Variants in SMOC2 observed in about 807,000 individuals in gnomAD.
SMOC2 encodes SPARC related modular calcium binding 2, also known as SPARC-related modular calcium-binding protein 2.
SMOC2 carries 39 observed loss-of-function variants against 61.4 expected under a neutral mutation model. The observed-to-expected ratio is 0.64, with a 90% CI of 0.49 to 0.83. The LOEUF (loss-of-function observed/expected upper bound fraction) is 0.83, where lower values mean the gene tolerates loss of function less well. SMOC2 is among the 40% of genes least tolerant of loss of function. The pLI is 0.00. For synonymous variants in SMOC2, 247 were observed against 239.9 expected, an observed-to-expected ratio of 1.03 and a Z score of -0.27; for missense variants, 556 against 592.9, an observed-to-expected ratio of 0.94 and a Z score of 0.65.
rs7745679 is a variant in SMOC2, at chr6:168,496,609, A to C, written c.85-13306A>C. Among the ~76,000 whole-genome samples, 1,293 of 152,004 alleles carry C rather than the reference A, an allele frequency of 8.5e-3. 13 individuals are homozygous for C. The highest frequency in any genetic ancestry group is 0.029 in the African/African-American group (1,209 of 41,472). ...CTGTCCCGAGAGGTCCTTTCTTCTG[A>C]GAGGTTTCTTCCTTGGCCGGCACCT... is the stretch of plus-strand genomic sequence containing the variant. On this transcript the variant is annotated intron_variant, in intron 1 of 12. Transcript: ENST00000356284.
chr6:168,616,191 C>T (rs11964000), intron 9 of SMOC2, among the ~76,000 whole-genome samples: 39,175 of 152,178 alleles, frequency 0.26, 5,162 homozygotes, highest in Non-Finnish European at 0.27. Flanking sequence ...ACTGAATTTA[C>T]AGACACGAGT....
chr6:168,585,132 G>GT (rs944064188), intron 7 of SMOC2, among the ~76,000 whole-genome samples: 4 of 152,046 alleles, frequency 2.6e-5, no homozygotes, highest in African/African-American at 9.7e-5. Flanking sequence ...GAATTTTTGT[G>GT]TTTTTTTGCA....
chr6:168,519,187 A>C lies in SMOC2; in HGVS notation c.257-7159A>C, dbSNP rs932279756. On this transcript the variant is annotated intron_variant, in intron 2 of 12. Coordinates refer to ENST00000356284, the MANE Select transcript of SMOC2 (RefSeq NM_001166412.2). ...TGCGTGCATGTGTGAGTATGCGTGC[A>C]TGTGTATGTGTGTGTATGCATGCGT... 2.1e-4 allele frequency among the ~76,000 whole-genome samples: 29 copies of C among 140,932 alleles called. No individual in the cohort carries two copies. The East Asian group carries it at 5.6e-3, about 27-fold the overall frequency. The allele number at this position is 140,932 out of a possible 152,430, so 92.5% of individuals were successfully genotyped here. A position where few individuals can be genotyped will look rare whatever the true frequency, so the allele number is the denominator to read the frequency against.
At chr6:168,489,889 T>C (rs1321022547) in intron 1 of SMOC2, among the ~76,000 whole-genome samples, 1 of 152,136 alleles carries the variant, frequency 6.6e-6, no homozygotes, top group Non-Finnish European at 1.5e-5. Flanking sequence ...GAGTGAAATA[T>C]ATCGAATCGT....
chr6:168,459,552 G>A (rs1282156799), intron 1 of SMOC2, among the ~76,000 whole-genome samples: 3 of 147,828 alleles, frequency 2.0e-5, no homozygotes, highest in South Asian at 4.3e-4. Context: ...GGGTGGGTGA[G>A]CCCTGGGGTG....
chr6:168,656,747 C>T (rs542042915), intron 11 of SMOC2, among the ~76,000 whole-genome samples: 114 of 152,182 alleles, frequency 7.5e-4, no homozygotes, highest in African/African-American at 2.6e-3. Flanking sequence ...TGTGTCATGG[C>T]GACGCACTTC....
intron 7 of SMOC2, 52 bp from the exon 8 acceptor site, chr6:168,598,766 T>G (rs1785393346): frequency 3.8e-6 from 6 of 1,592,678 alleles, no homozygotes; most frequent in Middle Eastern, 3.4e-4. Context: ...GCTCTGCATG[T>G]GGGACGACGT....
Position 168,560,495 on chromosome 6 carries a change from C to G in SMOC2, c.637+11292C>G, listed in dbSNP as rs567360559. 8.7e-5 allele frequency among the ~76,000 whole-genome samples: 13 copies of G among 149,640 alleles called. 1 individual carries two copies. Among genetic ancestry groups the G allele is most frequent in the Admixed American group, 4.0e-4 (6 of 15,046 alleles). Reference sequence around the variant, plus strand: ...GCGTCCTCTGTGCCCACCTTTCTGGCCCTGAGATGTGAGGCTCTCACTGCG... The same window carrying G: ...GCGTCCTCTGTGCCCACCTTTCTGGGCCTGAGATGTGAGGCTCTCACTGCG... On this transcript the variant is annotated intron_variant, in intron 7 of 12. Coordinates refer to ENST00000356284, the MANE Select transcript of SMOC2 (RefSeq NM_001166412.2).
chr6:168,571,314 A>T (rs1272270685), intron 7 of SMOC2, among the ~76,000 whole-genome samples: 1 of 152,204 alleles, frequency 6.6e-6, no homozygotes, highest in East Asian at 1.9e-4. Flanking sequence ...TGGGTGTGTG[A>T]ATACTGTATT....
intron 7 of SMOC2, among the ~76,000 whole-genome samples, chr6:168,555,954 G>C (rs1163451029): frequency 6.6e-6 from 1 of 152,204 alleles, no homozygotes; most frequent in South Asian, 2.1e-4. Context: ...CACCGCTGGG[G>C]GCACTGCGTG....
At chr6:168,500,286 C>CAAAA (rs72258550) in intron 1 of SMOC2, among the ~76,000 whole-genome samples, 3 of 99,308 alleles carry the variant, frequency 3.0e-5, no homozygotes, top group Non-Finnish European at 4.1e-5. Context: ...AACTCTGTCT[C>CAAAA]AAAAAAAAAA....
chr6:168,657,198 G>A (rs1787345572), intron 11 of SMOC2, among the ~76,000 whole-genome samples: 1 of 152,226 alleles, frequency 6.6e-6, no homozygotes, highest in African/African-American at 2.4e-5. Flanking sequence ...CATGGCTCAA[G>A]ACCTCATTTC....
intron 1 of SMOC2, among the ~76,000 whole-genome samples, chr6:168,464,653 AATGGATAACTCCAAACATATC>A (rs1781788769): frequency 6.6e-6 from 1 of 152,324 alleles, no homozygotes; most frequent in East Asian, 1.9e-4. Context: ...CTAAGCCACA[AATGGATAACTCCAAACATATC>A]ATGTGCCACA....
chr6:168,664,012 T>C, intron 11 of SMOC2, 62 bp from the exon 12 acceptor site: 1 of 1,411,490 alleles, frequency 7.1e-7, no homozygotes. Flanking sequence ...GAAATTGTGT[T>C]GAACCTTTCA....
intron 9 of SMOC2, among the ~76,000 whole-genome samples, chr6:168,644,717 G>A (rs376332826): frequency 2.9e-5 from 4 of 138,608 alleles, no homozygotes; most frequent in East Asian, 4.3e-4. Context: ...TGGTACGATC[G>A]CAGCTCACTG....
At chr6:168,641,025 T>A (rs1227776745) in intron 9 of SMOC2, among the ~76,000 whole-genome samples, 1 of 151,616 alleles carries the variant, frequency 6.6e-6, no homozygotes, top group African/African-American at 2.4e-5. Context: ...CCTTAAGAAT[T>A]TCATTGTCCG....
At chr6:168,473,255 A>G (rs949327263) in intron 1 of SMOC2, among the ~76,000 whole-genome samples, 3 of 152,112 alleles carry the variant, frequency 2.0e-5, no homozygotes, top group Non-Finnish European at 4.4e-5. Context: ...GGATCTCCCT[A>G]CATGTTTATA....
At chr6:168,652,891 C>T in intron 10 of SMOC2, 63 bp from the exon 11 acceptor site, 1 of 1,523,638 alleles carries the variant, frequency 6.6e-7, no homozygotes, top group Non-Finnish European at 8.9e-7. Flanking sequence ...GAGGGAAGGA[C>T]AGTGGCCAGG....
intron 9 of SMOC2, among the ~76,000 whole-genome samples, chr6:168,632,789 C>T (rs967692591): frequency 2.6e-5 from 4 of 152,210 alleles, no homozygotes; most frequent in South Asian, 2.1e-4. Flanking sequence ...TTCTGTGGCT[C>T]GTCCTCAGAA....
Sources: allele counts gnomAD v4.1 joint callset (sites outside exome capture counted in the v4.1 genomes callset), GRCh38; gene constraint gnomAD v4.1.1; transcripts MANE v1.5; gene names NCBI Gene and HGNC (gene_info 2026-07-23, HGNC 2026-07-21).